CHIA: variants seen among roughly 807,000 people sequenced by gnomAD.
CHIA encodes the protein chitinase acidic, also known as acidic mammalian chitinase.
In CHIA, 47 loss-of-function variants were observed where a neutral mutation model predicts 53.5. The ratio of observed to expected loss-of-function variants is 0.88; its 90% CI spans 0.70 to 1.12. The LOEUF (loss-of-function observed/expected upper bound fraction) is 1.12, where lower values mean the gene tolerates loss of function less well. Among genes scored for constraint, CHIA ranks in the 50% most tolerant of loss-of-function variants. The pLI, the probability that CHIA is intolerant of heterozygous loss-of-function variation, is 0.00. For missense variants in CHIA, 652 were observed against 592.2 expected (o/e 1.10, Z -1.05); for synonymous variants, 268 against 222.2 (o/e 1.21, Z -1.83).
chr1:111,298,190 C>T (rs908702950), intron 1 of CHIA, among the ~76,000 whole-genome samples: 1 of 152,174 alleles, frequency 6.6e-6, no homozygotes. Context: ...ATCAATGAGA[C>T]AGAAGGTTAA....
chr1:111,294,810 C>A (rs1330840032), intron 1 of CHIA, among the ~76,000 whole-genome samples: 1 of 152,020 alleles, frequency 6.6e-6, no homozygotes, highest in Non-Finnish European at 1.5e-5. Context: ...TTTTTTTCTT[C>A]ATTCTTTTAA....
chr1:111,299,444 C>T (rs1203454551), intron 1 of CHIA, among the ~76,000 whole-genome samples: 4 of 152,184 alleles, frequency 2.6e-5, no homozygotes, highest in African/African-American at 9.6e-5. Context: ...ATATGCAAAT[C>T]AGTAAACATA....
chr1:111,317,611 G>A, intron 6 of CHIA, 70 bp from the exon 7 acceptor site: 5 of 1,543,654 alleles, frequency 3.2e-6, no homozygotes, highest in East Asian at 2.3e-5. Flanking sequence ...ACAGACATAT[G>A]TTTATTAGTA....
intron 11 of CHIA, among the ~76,000 whole-genome samples, chr1:111,319,821 A>G (rs934967669): frequency 1.3e-5 from 2 of 152,194 alleles, no homozygotes; most frequent in African/African-American, 2.4e-5. Context: ...ACCCTCACCA[A>G]TGCTCACATA....
chr1:111,308,771 C>T (rs1648427372), intron 1 of CHIA, among the ~76,000 whole-genome samples: 1 of 152,154 alleles, frequency 6.6e-6, no homozygotes, highest in Non-Finnish European at 1.5e-5. Flanking sequence ...CACCCCTCCC[C>T]ATAGAAAGAC....
intron 11 of CHIA, 128 bp from the exon 12 acceptor site, chr1:111,320,085 G>T: frequency 1.4e-6 from 1 of 730,812 alleles, no homozygotes; most frequent in Non-Finnish European, 2.3e-6. Context: ...TCTCTTCTCA[G>T]TTGCAGGGAT....
chr1:111,297,901 CAA>C (rs1188512345), intron 1 of CHIA, among the ~76,000 whole-genome samples: 14 of 31,852 alleles, frequency 4.4e-4, no homozygotes, highest in Non-Finnish European at 6.5e-4. Flanking sequence ...AAATGGAAAG[CAA>C]AAAAAAAAAA....
In CHIA at chr1:111,318,601, G is replaced by A. The variant is rs1036117055; in HGVS notation, c.838G>A (p.Gly280Arg). 1.1e-5 allele frequency: 17 copies of A among 1,614,162 alleles called. No individual in the cohort carries two copies. Among genetic ancestry groups the A allele is most frequent in the Non-Finnish European group, 1.4e-5 (16 of 1,180,030 alleles). ...NFILSNPSNT[G>R]IGAPTSGAGP... Reference sequence around the variant, plus strand: ...CATCCTGAGCAACCCCTCCAACACTGGAATTGGTGCCCCCACCTCTGGTGC... The same window carrying A: ...CATCCTGAGCAACCCCTCCAACACTAGAATTGGTGCCCCCACCTCTGGTGC... The change falls in exon 9 of 12, where the codon GGA becomes AGA. Residue 280 changes from glycine (G) to arginine (R), a missense_variant. Physicochemically the swap from Gly to Arg is moderately radical, Grantham distance 125. Coordinates refer to ENST00000369740, the MANE Select transcript of CHIA (RefSeq NM_201653.4).
rs1305046775 is a variant in CHIA at position 111,296,928 on chromosome 1, G to A, written c.-69+5978G>A. On this transcript the variant is annotated intron_variant, in intron 1 of 11. Coordinates refer to ENST00000369740, the MANE Select transcript of CHIA (RefSeq NM_201653.4). ...ATGGCACGAGAACTTCGTGATGCAT[G>A]CACAAGCTTCAGTAGCTGATTTGAT... Among the ~76,000 whole-genome samples, 10 of 152,206 alleles carry A rather than the reference G, an allele frequency of 6.6e-5. 1 individual carries two copies. The highest frequency in any genetic ancestry group is 3.9e-4 in the Admixed American group (6 of 15,280).
chr1:111,299,814 T>G (rs1339002725), intron 1 of CHIA, among the ~76,000 whole-genome samples: 1 of 152,206 alleles, frequency 6.6e-6, no homozygotes, highest in African/African-American at 2.4e-5. Context: ...AATGACATGA[T>G]TGTATATTTA....
At chr1:111,303,025 A>G (rs1191079012) in intron 1 of CHIA, among the ~76,000 whole-genome samples, 1 of 151,988 alleles carries the variant, frequency 6.6e-6, no homozygotes, top group African/African-American at 2.4e-5. Context: ...TCTCTTGTAC[A>G]TTTTTTAATT....
At chr1:111,296,918 C>T (rs1235282086) in intron 1 of CHIA, among the ~76,000 whole-genome samples, 6 of 152,156 alleles carry the variant, frequency 3.9e-5, no homozygotes, top group South Asian at 4.1e-4. Flanking sequence ...ACGAGAACTT[C>T]GTGATGCATG....
At chr1:111,297,916 A>AAAAAAAAAAC (rs1377103836) in intron 1 of CHIA, among the ~76,000 whole-genome samples, 2 of 149,212 alleles carry the variant, frequency 1.3e-5, no homozygotes, top group African/African-American at 2.5e-5. Context: ...AAAAAAAAAA[A>AAAAAAAAAAC]AAAAAAAAAC....
chr1:111,311,802 CACAG>C, intron 3 of CHIA, 84 bp downstream of exon 3: 1 of 1,426,506 alleles, frequency 7.0e-7, no homozygotes, highest in Non-Finnish European at 9.9e-7. Context: ...CTGTTTGCTT[CACAG>C]ACAGATGGGT....
rs780773873 is a variant in CHIA at position 111,318,545 on chromosome 1, T to A, written c.782T>A (p.Ile261Asn). ...AATGGAGCACCAGCTGAGAAGCTCA[T>A]CGTTGGATTCCCTACCTATGGACAC... is the stretch of plus-strand genomic sequence containing the variant. ...KDNGAPAEKL[I>N]VGFPTYGHNF... is the part of the protein sequence containing the mutation. The change falls in exon 9 of 12, where the codon ATC becomes AAC. Residue 261 changes from isoleucine to asparagine, a missense_variant. Coordinates refer to ENST00000369740, the MANE Select transcript of CHIA (RefSeq NM_201653.4). The A allele has an allele frequency of 1.9e-5, 31 of 1,614,080 alleles. No homozygotes were observed. The highest frequency in any genetic ancestry group is 2.6e-5 in the Non-Finnish European group (31 of 1,180,030).
chr1:111,300,257 A>G (rs1647604986), intron 1 of CHIA, among the ~76,000 whole-genome samples: 1 of 152,230 alleles, frequency 6.6e-6, no homozygotes, highest in South Asian at 2.1e-4. Context: ...GAACCAAAAA[A>G]GAGCCCACAT....
Position 111,317,758 on chromosome 1 carries a change from T to C in CHIA, c.558T>C (p.Ala186=), listed in dbSNP as rs1445334035. The change falls in exon 7 of 12, where the codon GCT becomes GCC. Residue 186 remains alanine (A), a synonymous_variant. Transcript: ENST00000369740. ...PRLMVTAAVA[A]GISNIQSGYE... ...TGATGGTCACTGCTGCAGTAGCTGC[T>C]GGCATCTCCAATATCCAGTCTGGCT... 1 of 1,613,742 alleles carries C rather than the reference T, an allele frequency of 6.2e-7. No homozygotes were observed. The highest frequency in any genetic ancestry group is 8.5e-7 in the Non-Finnish European group (1 of 1,180,038).
intron 6 of CHIA, 36 bp downstream of exon 6, chr1:111,315,471 A>G: frequency 3.1e-6 from 5 of 1,591,852 alleles, no homozygotes; most frequent in Non-Finnish European, 4.3e-6. Context: ...GCCCAAAAAG[A>G]TTCAAAGTCT....
intron 1 of CHIA, among the ~76,000 whole-genome samples, chr1:111,308,982 A>C (rs557620833): frequency 6.6e-6 from 1 of 152,278 alleles, no homozygotes; most frequent in South Asian, 2.1e-4. Context: ...GATTATTTTC[A>C]CAATTGAAAT....
Sources: gnomAD v4.1 joint callset for allele counts (sites outside exome capture counted in the v4.1 genomes callset) on GRCh38, gnomAD v4.1.1 for gene constraint, MANE v1.5 for transcripts, NCBI Gene and HGNC (gene_info 2026-07-23, HGNC 2026-07-21) for gene names.